PLEC: variants seen among roughly 807,000 people sequenced by gnomAD.
PLEC encodes the protein plectin, also known as hemidesmosomal protein 1.
In PLEC, 216 loss-of-function variants were observed where a neutral mutation model predicts 392.8. The ratio of observed to expected loss-of-function variants is 0.55; its 90% CI spans 0.49 to 0.62. The LOEUF is 0.62. PLEC is among the 20% of genes least tolerant of loss of function. PLEC has a pLI of 0.00. For missense variants in PLEC, 6,863 were observed against 6,563.4 expected (o/e 1.05, Z -1.58); for synonymous variants, 3,621 against 2,980.6 (o/e 1.21, Z -7.00).
At position 143,973,412 on chromosome 8, in the gene PLEC, T is replaced by C; in HGVS notation, c.61A>G (p.Lys21Glu). 1.3e-6 allele frequency: 2 copies of C among 1,556,182 alleles called. No individual in the cohort carries two copies. Among genetic ancestry groups the C allele is most frequent in the Non-Finnish European group, 1.7e-6 (2 of 1,151,430 alleles). ...GGACGGGGGGCCGTACCTTTGTACT[T>C]CTCGCGCACCTCCTCGTAGGCCTGG... Residue 21 changes from lysine (K) to glutamate (E), a missense_variant, in exon 1 of 32, where the codon AAG (lysine) becomes GAG (glutamate). Transcript: ENST00000356346. The surrounding 1 kb of genome is among the most constrained non-coding windows in gnomAD (Gnocchi z 5.6).
Position 143,927,722 on chromosome 8 carries a change from G to A in PLEC, c.3444C>T (p.Ala1148=), listed in dbSNP as rs782313733. Residue 1148 remains alanine, a synonymous_variant, in exon 27 of 32, where the codon GCC becomes GCT. Transcript: ENST00000345136. Reference sequence around the variant, plus strand: ...GTGCCCCCCGCAGCTCATCCCGCAGGGCGTCGAACGTGGGCTGCTGTGCCT... The same window carrying A: ...GTGCCCCCCGCAGCTCATCCCGCAGAGCGTCGAACGTGGGCTGCTGTGCCT... ...QAEAQQPTFD[A]LRDELRGAQE... 3 of 1,592,962 alleles carry A rather than the reference G, an allele frequency of 1.9e-6. No homozygotes were observed. Among genetic ancestry groups the A allele is most frequent in the Admixed American group, 3.4e-5 (2 of 58,494 alleles).
Position 143,930,521 on chromosome 8 carries a change from G to A in PLEC, c.2320C>T (p.Leu774=). The change falls in exon 20 of 32, where the codon CTG becomes TTG. Residue 774 remains leucine (L), a synonymous_variant. Coordinates refer to ENST00000345136, the MANE Select transcript of PLEC (RefSeq NM_201384.3). Reference sequence around the variant, plus strand: ...GAGAGGTGGCCCTTGTACTCGTTCAGCTGTTCCTTCTCGTCCTGTGGGGGA... The same window carrying A: ...GAGAGGTGGCCCTTGTACTCGTTCAACTGTTCCTTCTCGTCCTGTGGGGGA... ...LQDAQDEKEQ[L]NEYKGHLSGL... is the part of the protein sequence containing the mutation. 6.3e-7 allele frequency: 1 copy of A among 1,595,506 alleles called. No individual in the cohort carries two copies. The highest frequency in any genetic ancestry group is 8.5e-7 in the Non-Finnish European group (1 of 1,171,398).
Position 143,923,666 on chromosome 8 carries a change from C to T in PLEC, c.6263G>A (p.Arg2088Gln), listed in dbSNP as rs782384064. The T allele has an allele frequency of 1.6e-5, 25 of 1,560,266 alleles. No individual in the cohort carries two copies. The highest frequency in any genetic ancestry group is 4.6e-5 in the South Asian group (4 of 86,990). The part of the protein sequence containing the change: ...QLRGEAEAAR[R>Q]AAEEAEEARV... ...GGCCTCCTCCGCCTCCTCAGCCGCCCGCCGGGCCGCCTCCGCCTCGCCGCG... is the reference window on the plus strand; with the variant it reads ...GGCCTCCTCCGCCTCCTCAGCCGCCTGCCGGGCCGCCTCCGCCTCGCCGCG... Residue 2088 changes from arginine (R) to glutamine (Q), a missense_variant, in exon 31 of 32, where the codon CGG becomes CAG. Physicochemically the swap from Arg to Gln is conservative, Grantham distance 43. Transcript: ENST00000345136.
chr8:143,936,215 A>T (rs1436533362), intron 5 of PLEC, among the ~76,000 whole-genome samples: 4 of 152,096 alleles, frequency 2.6e-5, no homozygotes, highest in Admixed American at 2.6e-4. Context: ...CGGGGCCACA[A>T]GTCCAGCCAC....
intron 3 of PLEC, chr8:143,937,653 AG>A (rs1829411038): frequency 4.0e-6 from 2 of 494,782 alleles, no homozygotes; most frequent in Non-Finnish European, 7.9e-6. Flanking sequence ...AGAGCCAGGC[AG>A]GGGTTGGCCG....
Position 143,925,316 on chromosome 8 carries a change from A to G in PLEC, c.4613T>C (p.Leu1538Pro). The G allele has an allele frequency of 6.4e-7, 1 of 1,562,916 alleles. No individual in the cohort carries two copies. Among genetic ancestry groups the G allele is most frequent in the Non-Finnish European group, 8.6e-7 (1 of 1,162,750 alleles). Residue 1538 changes from leucine to proline, a missense_variant, in exon 31 of 32, where the codon CTG (leucine) becomes CCG (proline). By Grantham distance (98) the Leu-to-Pro change is moderately conservative (BLOSUM62 -3). Coordinates refer to ENST00000345136, the MANE Select transcript of PLEC (RefSeq NM_201384.3). ...CTCCGCCTGCAGCCGCAGCTCCTCCAGGGCCTGCAGGGCCCGCTGCTTCTC... is the reference window on the plus strand; with the variant it reads ...CTCCGCCTGCAGCCGCAGCTCCTCCGGGGCCTGCAGGGCCCGCTGCTTCTC... ...AREKQRALQA[L>P]EELRLQAEEA...
At chr8:143,954,434 C>T (rs909705458), upstream of PLEC, among the ~76,000 whole-genome samples, 10 of 152,226 alleles carry the variant, frequency 6.6e-5, no homozygotes, top group Non-Finnish European at 1.0e-4. This position sits in a 1 kb window ranked among gnomAD's most constrained non-coding sequence, Gnocchi z 4.6. Context: ...GCCTCTCCCA[C>T]CCAGCCTCAG....
At chr8:143,973,651 G>T (rs1199041315), upstream of PLEC, 14 of 496,868 alleles carry the variant, frequency 2.8e-5, no homozygotes, top group Admixed American at 8.4e-4. The surrounding 1 kb of genome is among the most constrained non-coding windows in gnomAD (Gnocchi z 5.6). Context: ...GGCAGAGGGA[G>T]CCGCGTCTGG....
In PLEC at chr8:143,922,117, G is replaced by A; in HGVS notation, c.7704C>T (p.Arg2568=). 1.3e-6 allele frequency: 2 copies of A among 1,546,686 alleles called. No homozygotes were observed. The highest frequency in any genetic ancestry group is 8.7e-7 in the Non-Finnish European group (1 of 1,152,530). Residue 2568 remains arginine, a synonymous_variant, in exon 32 of 32, where the codon CGC becomes CGT. Coordinates refer to ENST00000345136, the MANE Select transcript of PLEC (RefSeq NM_201384.3). ...CCAGCTGCTGCAGCTCCTCCTGCTT[G>A]CGCCGCACGCCCTCCTCGGCCTCAT... The part of the protein sequence containing the change: ...RQHEAEEGVR[R]KQEELQQLEQ...
chr8:143,922,638 C>T lies in PLEC; in HGVS notation c.7291G>A (p.Val2431Met). Residue 2431 changes from valine to methionine, a missense_variant, in exon 31 of 32, where the codon GTG becomes ATG. Physicochemically the swap from Val to Met is conservative, Grantham distance 21. Coordinates refer to ENST00000345136, the MANE Select transcript of PLEC (RefSeq NM_201384.3). ...ELATQEKVTL[V>M]QTLEIQRQQS... ...TGTCGCTGGATCTCCAGTGTCTGCA[C>T]CAGGGTCACCTTCTCCTGGGTGGCG... 1 of 1,613,586 alleles carries T rather than the reference C, an allele frequency of 6.2e-7. No homozygotes were observed. Among genetic ancestry groups the T allele is most frequent in the Non-Finnish European group, 8.5e-7 (1 of 1,179,970 alleles).
upstream of PLEC, among the ~76,000 whole-genome samples, chr8:143,956,276 C>T (rs1352495353): frequency 2.0e-5 from 3 of 152,166 alleles, no homozygotes; most frequent in Non-Finnish European, 2.9e-5. Context: ...GATTAAAACG[C>T]ATAAAATGGA....
At chr8:143,961,446 G>A (rs995661017) in intron 1 of PLEC, among the ~76,000 whole-genome samples, 2 of 152,088 alleles carry the variant, frequency 1.3e-5, no homozygotes, top group African/African-American at 2.4e-5. Context: ...GGCTGGTCTC[G>A]TACTCCTGAC....
Position 143,922,119 on chromosome 8 carries a change from G to A in PLEC, c.7702C>T (p.Arg2568Cys), listed in dbSNP as rs782300712. The change falls in exon 32 of 32, where the codon CGC becomes TGC. Residue 2568 changes from arginine (R) to cysteine (C), a missense_variant. Arg to Cys is a radical substitution (Grantham distance 180). Transcript: ENST00000345136. Reference protein sequence around the residue: ...RQHEAEEGVRRKQEELQQLEQ... With the variant: ...RQHEAEEGVRCKQEELQQLEQ... ...AGCTGCTGCAGCTCCTCCTGCTTGC[G>A]CCGCACGCCCTCCTCGGCCTCATGC... 3.0e-5 allele frequency: 46 copies of A among 1,546,166 alleles called. No homozygotes were observed. Among genetic ancestry groups the A allele is most frequent in the Non-Finnish European group, 3.3e-5 (38 of 1,152,360 alleles).
chr8:143,919,646 T>C lies in PLEC; in HGVS notation c.10175A>G (p.Gln3392Arg). Residue 3392 changes from glutamine (Q) to arginine (R), a missense_variant, in exon 32 of 32, where the codon CAG becomes CGG. Coordinates refer to ENST00000345136, the MANE Select transcript of PLEC (RefSeq NM_201384.3). ...GTCCACCAGGAAGCCAGTGGCCGCC[T>C]GCGCCTCCAGCAGGAGCGCAGCCGT... Reference protein sequence around the residue: ...ATTAALLLEAQAATGFLVDPV... With the variant: ...ATTAALLLEARAATGFLVDPV... 1 of 1,587,260 alleles carries C rather than the reference T, an allele frequency of 6.3e-7. No homozygotes were observed. Among genetic ancestry groups the C allele is most frequent in the Non-Finnish European group, 8.5e-7 (1 of 1,169,798 alleles).
intron 1 of PLEC, among the ~76,000 whole-genome samples, chr8:143,959,238 C>T (rs1171969324): frequency 6.6e-6 from 1 of 152,184 alleles, no homozygotes; most frequent in Non-Finnish European, 1.5e-5. Context: ...ACTCAACTCA[C>T]CATTTACTGG....
At chr8:143,959,909 G>C (rs972655901) in intron 1 of PLEC, among the ~76,000 whole-genome samples, 10 of 151,984 alleles carry the variant, frequency 6.6e-5, no homozygotes, top group Admixed American at 6.6e-4. Context: ...GGCAGGAGAA[G>C]TGGAGGTTGC....
chr8:143,944,193 G>T (rs372567051), upstream of PLEC, among the ~76,000 whole-genome samples: 203 of 152,022 alleles, frequency 1.3e-3, 1 homozygote, highest in African/African-American at 4.6e-3. Context: ...TAACCCCTGC[G>T]TCCCCGCGGC....
chr8:143,968,529 C>CAAAAAAAAAAAAAAAA (rs57468544), intron 1 of PLEC, among the ~76,000 whole-genome samples: 22 of 63,682 alleles, frequency 3.5e-4, no homozygotes, highest in African/African-American at 4.2e-4. Flanking sequence ...AACTCCATCT[C>CAAAAAAAAAAAAAAAA]AAAAAAAAAA....
In PLEC at chr8:143,922,344, G is replaced by C. The variant is rs1364878112; in HGVS notation, c.7477C>G (p.Gln2493Glu). 2 of 1,605,650 alleles carry C rather than the reference G, an allele frequency of 1.2e-6. No individual in the cohort carries two copies. Among genetic ancestry groups the C allele is most frequent in the African/African-American group, 2.7e-5 (2 of 74,918 alleles). Residue 2493 changes from glutamine to glutamate, a missense_variant, in exon 32 of 32, where the codon CAA (glutamine) becomes GAA (glutamate). Transcript: ENST00000345136. ...QLLQETQALQ[Q>E]SFLSEKDSLL... ...CTGTCCTTTTCAGAGAGGAAGCTTT[G>C]CTGCAGGGCCTGCGTCTCCTGCAGC...
Sources: gnomAD v4.1 joint callset for allele counts (sites outside exome capture counted in the v4.1 genomes callset) on GRCh38, gnomAD v4.1.1 for gene constraint, Gnocchi (gnomAD v3.1) non-coding constraint, MANE v1.5 for transcripts, NCBI Gene and HGNC (gene_info 2026-07-23, HGNC 2026-07-21) for gene names.